The following CFDP1 variants were observed in gnomAD, a reference collection of about 807,000 sequenced individuals.
CFDP1 encodes the protein heterochromatin-stabilizing protein CFDP1.
In CFDP1, 31 loss-of-function variants were observed where a neutral mutation model predicts 40.1. That is an observed-to-expected ratio of 0.77 (90% CI 0.58 to 1.04). The LOEUF is 1.04. Ranked by LOEUF, CFDP1 falls within the 50% of genes least tolerant of loss-of-function variation. CFDP1 has a pLI of 0.00. For missense variants in CFDP1, 423 were observed against 343.4 expected, an observed-to-expected ratio of 1.23 and a Z score of -1.83; for synonymous variants, 167 against 120.0, an observed-to-expected ratio of 1.39 and a Z score of -2.56.
At chr16:75,418,732 T>TAAAAA (rs35716697) in intron 1 of CFDP1, among the ~76,000 whole-genome samples, 2 of 130,628 alleles carry the variant, frequency 1.5e-5, no homozygotes, top group Non-Finnish European at 3.2e-5. Context: ...AAAGGCTCCC[T>TAAAAA]AAAAAAAAAA....
chr16:75,401,001 T>C (rs1250043023), intron 4 of CFDP1, among the ~76,000 whole-genome samples: 1 of 152,176 alleles, frequency 6.6e-6, no homozygotes, highest in Non-Finnish European at 1.5e-5. Flanking sequence ...ATGCAGCTAA[T>C]TTAAAAGCAT....
intron 5 of CFDP1, among the ~76,000 whole-genome samples, chr16:75,335,512 C>A (rs921620777): frequency 6.6e-6 from 1 of 151,296 alleles, no homozygotes; most frequent in Non-Finnish European, 1.5e-5. Flanking sequence ...TCCCCTTCAA[C>A]TGATTTCCTA....
chr16:75,347,251 G>T (rs1311227914), intron 5 of CFDP1, among the ~76,000 whole-genome samples: 1 of 146,588 alleles, frequency 6.8e-6, no homozygotes, highest in Non-Finnish European at 1.5e-5. Context: ...GGCTGAGGCA[G>T]GAGAATCGCT....
intron 4 of CFDP1, among the ~76,000 whole-genome samples, chr16:75,407,154 C>T (rs982820825): frequency 6.6e-6 from 1 of 152,118 alleles, no homozygotes; most frequent in Non-Finnish European, 1.5e-5. Flanking sequence ...TTACAGTAAT[C>T]AATGATTGCA....
intron 5 of CFDP1, among the ~76,000 whole-genome samples, chr16:75,351,408 G>T (rs1021876970): frequency 6.6e-6 from 1 of 152,184 alleles, no homozygotes; most frequent in Non-Finnish European, 1.5e-5. Context: ...GACAGGAAAT[G>T]TACTAAAGGG....
At chr16:75,394,640 T>C (rs2078980760) in intron 5 of CFDP1, 1 of 146,138 alleles carries the variant, frequency 6.8e-6, no homozygotes, top group Non-Finnish European at 1.5e-5. Context: ...ATAAGAAAGC[T>C]ACAACTAATT....
At position 75,340,751 on chromosome 16, in the gene CFDP1, CTGAG is replaced by C. The variant is rs1439693626; in HGVS notation, c.651-35573_651-35570del. On this transcript the variant is annotated intron_variant, in intron 5 of 6. Transcript: ENST00000283882. ...TTTTCTGTCTTCTGTTTTTCATCTGCTGAGTAAGAAAAGAGTTAACTTATAAATG... is the reference window on the plus strand; with the variant it reads ...TTTTCTGTCTTCTGTTTTTCATCTGCTAAGAAAAGAGTTAACTTATAAATG... Among the ~76,000 whole-genome samples, 6 of 152,294 alleles carry C rather than the reference CTGAG, an allele frequency of 3.9e-5. No individual in the cohort carries two copies. In the East Asian group the frequency reaches 5.8e-4, roughly 15 times the overall value.
At chr16:75,331,915 A>G (rs1054734294) in intron 5 of CFDP1, among the ~76,000 whole-genome samples, 2 of 152,254 alleles carry the variant, frequency 1.3e-5, no homozygotes, top group Non-Finnish European at 1.5e-5. Context: ...CACACGTTAT[A>G]GTCCTACCAT....
intron 5 of CFDP1, among the ~76,000 whole-genome samples, chr16:75,311,214 G>C (rs927633167): frequency 1.4e-4 from 22 of 152,314 alleles, no homozygotes; most frequent in African/African-American, 4.6e-4. Context: ...CAGTGCTTTT[G>C]ATGCCCAGAC....
intron 5 of CFDP1, among the ~76,000 whole-genome samples, chr16:75,382,756 GA>G (rs1396073538): frequency 1.3e-5 from 2 of 152,250 alleles, no homozygotes; most frequent in East Asian, 3.9e-4. Context: ...TTTTGTACAT[GA>G]TATTCCTTGG....
chr16:75,396,985 C>T (rs147889368), intron 4 of CFDP1, among the ~76,000 whole-genome samples: 1,575 of 152,168 alleles, frequency 0.01, 18 homozygotes, highest in African/African-American at 0.035. Flanking sequence ...GCAATCTCGG[C>T]TCACTGCAAC....
At chr16:75,383,724 C>T (rs896923099) in intron 5 of CFDP1, among the ~76,000 whole-genome samples, 3 of 150,408 alleles carry the variant, frequency 2.0e-5, no homozygotes, top group African/African-American at 7.3e-5. Flanking sequence ...GAAGCTGAGG[C>T]AGGAGAATTG....
intron 4 of CFDP1, among the ~76,000 whole-genome samples, chr16:75,399,710 A>T (rs796543397): frequency 6.6e-5 from 10 of 150,914 alleles, no homozygotes; most frequent in African/African-American, 2.2e-4. Context: ...AGCCAGGTGC[A>T]GTAGCTCGGG....
chr16:75,399,349 G>T lies in CFDP1; in HGVS notation c.531-4140C>A, dbSNP rs1179049683. On this transcript the variant is annotated intron_variant, in intron 4 of 6. Transcript: ENST00000283882. ...GGGTACCTTTAAATTTCCTTGCTCT[G>T]GGTAGAATCTGGGGCAGACCAGCTA... is the stretch of plus-strand genomic sequence containing the variant. 2.0e-5 allele frequency among the ~76,000 whole-genome samples: 3 copies of T among 152,102 alleles called. No homozygotes were observed. The East Asian group carries it at 5.8e-4, about 29-fold the overall frequency.
intron 5 of CFDP1, among the ~76,000 whole-genome samples, chr16:75,308,242 G>C (rs115001611): frequency 6.6e-6 from 1 of 152,182 alleles, no homozygotes; most frequent in Admixed American, 6.5e-5. Flanking sequence ...AGCTATAGGA[G>C]GTGGAATGCT....
At chr16:75,349,033 A>C (rs2078589590) in intron 5 of CFDP1, among the ~76,000 whole-genome samples, 1 of 150,620 alleles carries the variant, frequency 6.6e-6, no homozygotes, top group African/African-American at 2.5e-5. Context: ...CACCTGGATA[A>C]CTTTTTTTGT....
intron 4 of CFDP1, chr16:75,409,369 G>A (rs1299774557): frequency 1.3e-5 from 2 of 152,120 alleles, no homozygotes; most frequent in Admixed American, 1.3e-4. Flanking sequence ...CACTTGGAAG[G>A]GGCAGGTGGC....
intron 4 of CFDP1, among the ~76,000 whole-genome samples, chr16:75,400,974 G>T (rs564107920): frequency 6.6e-6 from 1 of 152,126 alleles, no homozygotes; most frequent in African/African-American, 2.4e-5. Context: ...CCATAAAAAA[G>T]AGCCACAGAA....
intron 4 of CFDP1, among the ~76,000 whole-genome samples, chr16:75,408,548 G>A (rs2079125548): frequency 6.6e-6 from 1 of 152,032 alleles, no homozygotes; most frequent in South Asian, 2.1e-4. Flanking sequence ...GGAGGCTGAG[G>A]AGGGTGGATC....
Sources: gnomAD v4.1 joint callset for allele counts (sites outside exome capture counted in the v4.1 genomes callset) on GRCh38, gnomAD v4.1.1 for gene constraint, MANE v1.5 for transcripts, NCBI Gene and HGNC (gene_info 2026-07-23, HGNC 2026-07-21) for gene names.